DYRK4: variants seen among roughly 807,000 people sequenced by gnomAD.
The protein encoded by DYRK4 is dual specificity tyrosine phosphorylation regulated kinase 4.
A neutral mutation model predicts 68.3 loss-of-function variants in DYRK4; 64 were observed. The ratio of observed to expected loss-of-function variants is 0.94; its 90% CI spans 0.77 to 1.15. DYRK4 has a LOEUF of 1.15. Among genes scored for constraint, DYRK4 ranks in the 50% most tolerant of loss-of-function variants. The pLI, the probability that DYRK4 is intolerant of heterozygous loss-of-function variation, is 0.00. For synonymous variants in DYRK4, 274 were observed against 289.9 expected, an observed-to-expected ratio of 0.95 and a Z score of 0.56; for missense variants, 740 against 764.7, an observed-to-expected ratio of 0.97 and a Z score of 0.38.
At chr12:4,569,030 C>T (rs1944704435) in intron 2 of DYRK4, among the ~76,000 whole-genome samples, 1 of 152,132 alleles carries the variant, frequency 6.6e-6, no homozygotes, top group South Asian at 2.1e-4. Flanking sequence ...AAAAATCGTC[C>T]TCCTATAAAT....
intron 10 of DYRK4, among the ~76,000 whole-genome samples, chr12:4,601,408 C>T (rs1173610584): frequency 1.3e-5 from 2 of 152,240 alleles, no homozygotes; most frequent in Non-Finnish European, 2.9e-5. Context: ...TACATCTTCA[C>T]TACTGCACTG....
Position 4,605,020 on chromosome 12 carries a change from G to A in DYRK4, c.1233G>A (p.Glu411=), listed in dbSNP as rs1391687416. The change falls in exon 11 of 15, where the codon GAG becomes GAA. Residue 411 remains glutamate, a synonymous_variant. Transcript: ENST00000543431. The stretch of plus-strand genomic sequence containing the variant: ...GGAGCCTGGGCTGCATCACGGCGGA[G>A]TTGTACACGGGCTACCCCCTGTTCC... ...DMWSLGCITA[E]LYTGYPLFPG... 7.4e-6 allele frequency: 12 copies of A among 1,614,006 alleles called. No individual in the cohort carries two copies. The highest frequency in any genetic ancestry group is 1.0e-5 in the Non-Finnish European group (12 of 1,179,994).
intron 8 of DYRK4, 46 bp from the exon 9 acceptor site, chr12:4,598,982 T>A (rs1228938012): frequency 6.2e-7 from 1 of 1,608,222 alleles, no homozygotes; most frequent in Non-Finnish European, 8.5e-7. Flanking sequence ...CTCAGCCTTA[T>A]ATGTTTTTTT....
intron 9 of DYRK4, 116 bp downstream of exon 9, chr12:4,599,282 T>TG: frequency 8.6e-7 from 1 of 1,159,396 alleles, no homozygotes; most frequent in Non-Finnish European, 1.2e-6. Flanking sequence ...TTTTTTTTTT[T>TG]TTTTTTTTTT....
intron 11 of DYRK4, among the ~76,000 whole-genome samples, chr12:4,605,959 C>T (rs145951225): frequency 1.2e-3 from 177 of 151,992 alleles, no homozygotes; most frequent in African/African-American, 4.1e-3. Context: ...ATTATGTTTA[C>T]CAGCCTGTCA....
chr12:4,587,338 C>T (rs1170190439), intron 2 of DYRK4, among the ~76,000 whole-genome samples: 1 of 152,152 alleles, frequency 6.6e-6, no homozygotes, highest in South Asian at 2.1e-4. Flanking sequence ...TTCAGAAGAG[C>T]GCCCCCTCTA....
chr12:4,579,509 C>T (rs958251485), intron 2 of DYRK4, among the ~76,000 whole-genome samples: 8 of 152,022 alleles, frequency 5.3e-5, no homozygotes, highest in African/African-American at 1.5e-4. Context: ...TTACAGGGCT[C>T]TTTATTCATA....
Position 4,607,307 on chromosome 12 carries a change from A to G in DYRK4, c.1300-20A>G. The G allele has an allele frequency of 6.2e-7, 1 of 1,614,142 alleles. No homozygotes were observed. Among genetic ancestry groups the G allele is most frequent in the Non-Finnish European group, 8.5e-7 (1 of 1,179,986 alleles). Reference sequence around the variant, plus strand: ...CTGTGCTCCCACAAAGAATGAACCAATTGAATTATCCTTATTAAGGTGCTG... The same window carrying G: ...CTGTGCTCCCACAAAGAATGAACCAGTTGAATTATCCTTATTAAGGTGCTG... On this transcript the variant is annotated intron_variant, in intron 11 of 14. Transcript: ENST00000543431.
chr12:4,568,524 T>C (rs1944699284), intron 2 of DYRK4, among the ~76,000 whole-genome samples: 1 of 152,106 alleles, frequency 6.6e-6, no homozygotes, highest in Admixed American at 6.5e-5. Context: ...TAGCTGGGAT[T>C]ACAAGCATGC....
At chr12:4,600,566 C>T (rs139173423) in intron 10 of DYRK4, among the ~76,000 whole-genome samples, 2 of 148,500 alleles carry the variant, frequency 1.3e-5, no homozygotes, top group East Asian at 2.0e-4. Flanking sequence ...AGGCTGAAGA[C>T]GGGACTACTA....
Position 4,588,021 on chromosome 12 carries a change from C to T in DYRK4, c.133-916C>T, listed in dbSNP as rs536308641. On this transcript the variant is annotated intron_variant, in intron 2 of 14. Transcript: ENST00000543431. ...TGAGGGCCAGCTTTACAGTTTTTGC[C>T]ATGCCTACGCCTACATAGTCCTCAC... Among the ~76,000 whole-genome samples, 9 of 152,288 alleles carry T rather than the reference C, an allele frequency of 5.9e-5. No individual in the cohort carries two copies. The East Asian group carries it at 1.5e-3, about 26-fold the overall frequency.
intron 2 of DYRK4, among the ~76,000 whole-genome samples, chr12:4,584,573 T>TTTTA (rs1944875920): frequency 7.8e-6 from 1 of 127,504 alleles, no homozygotes; most frequent in African/African-American, 2.7e-5. Context: ...TTTTTTTTTT[T>TTTTA]GAGGCAGAGT....
At chr12:4,602,845 G>GTGACAGT in intron 10 of DYRK4, 1 of 1,189,730 alleles carries the variant, frequency 8.4e-7, no homozygotes, top group Admixed American at 1.7e-5. Context: ...CCAAATCATT[G>GTGACAGT]GAAATACATC....
chr12:4,612,544 T>C lies in DYRK4; in HGVS notation c.1492T>C (p.Trp498Arg). The change falls in exon 14 of 15, where the codon TGG (tryptophan) becomes CGG (arginine). Residue 498 changes from tryptophan (W) to arginine (R), a missense_variant and splice_region_variant. This residue lies in a region of DYRK4 where 614 missense variants were observed against 603.7 expected (regional missense o/e 1.02). Transcript: ENST00000543431. Reference protein sequence around the residue: ...FLDFLRRCLVWEPSLRMTPDQ... With the variant: ...FLDFLRRCLVREPSLRMTPDQ... ...ATGTGGGGCTTTGTTGGGGTGCAGA[T>C]GGGAACCTTCTCTTCGCATGACCCC... The C allele has an allele frequency of 6.2e-7, 1 of 1,613,942 alleles. No individual in the cohort carries two copies. Among genetic ancestry groups the C allele is most frequent in the Non-Finnish European group, 8.5e-7 (1 of 1,179,814 alleles).
intron 6 of DYRK4, among the ~76,000 whole-genome samples, chr12:4,594,381 G>A (rs1162731656): frequency 1.3e-5 from 2 of 152,024 alleles, no homozygotes; most frequent in Non-Finnish European, 2.9e-5. Flanking sequence ...CCGCCACCAC[G>A]CCTGGCTGAT....
At chr12:4,572,372 C>T (rs907483448) in intron 2 of DYRK4, among the ~76,000 whole-genome samples, 5 of 152,152 alleles carry the variant, frequency 3.3e-5, no homozygotes, top group African/African-American at 9.7e-5. Flanking sequence ...AGCTCCACCT[C>T]CCGGGTTCAC....
chr12:4,599,019 C>G lies in DYRK4; in HGVS notation c.906-9C>G, dbSNP rs896790425. 2 of 1,614,082 alleles carry G rather than the reference C, an allele frequency of 1.2e-6. No homozygotes were observed. Among genetic ancestry groups the G allele is most frequent in the Non-Finnish European group, 1.7e-6 (2 of 1,179,998 alleles). On this transcript the variant is annotated splice_polypyrimidine_tract_variant and intron_variant, in intron 8 of 14. Transcript: ENST00000543431. ...CACCCATATGCATCACTTTTCCCCTCTTTTCCAGAATCAACTTGTATGAGT... is the reference window on the plus strand; with the variant it reads ...CACCCATATGCATCACTTTTCCCCTGTTTTCCAGAATCAACTTGTATGAGT...
rs1368597301 is a variant in DYRK4, at chr12:4,596,174, G to A, written c.653G>A (p.Arg218His). 2.5e-6 allele frequency: 4 copies of A among 1,614,128 alleles called. No individual in the cohort carries two copies. Among genetic ancestry groups the A allele is most frequent in the Middle Eastern group, 1.7e-4 (1 of 6,056 alleles). ...GTCCTGCATGATCACATTGCCTACCGCTATGAAGTTCTGGAGACAATCGGG... is the reference window on the plus strand; with the variant it reads ...GTCCTGCATGATCACATTGCCTACCACTATGAAGTTCTGGAGACAATCGGG... ...LKVLHDHIAY[R>H]YEVLETIGKG... Residue 218 changes from arginine to histidine, a missense_variant, in exon 7 of 15, where the codon CGC (arginine) becomes CAC (histidine). Around this residue, in one of 3 missense-constraint regions of DYRK4, gnomAD observed 614 missense variants for 603.7 expected, o/e 1.02. Coordinates refer to ENST00000543431, the MANE Select transcript of DYRK4 (RefSeq NM_001394779.1).
At chr12:4,569,485 C>T (rs142133811) in intron 2 of DYRK4, among the ~76,000 whole-genome samples, 7 of 152,140 alleles carry the variant, frequency 4.6e-5, no homozygotes, top group African/African-American at 9.7e-5. Flanking sequence ...CTCACACATG[C>T]GCCTTAGCAG....
Sources: gnomAD v4.1 joint callset for allele counts (sites outside exome capture counted in the v4.1 genomes callset) on GRCh38, gnomAD v4.1.1 for gene constraint, gnomAD v4.1.1 regional missense constraint, MANE v1.5 for transcripts, NCBI Gene and HGNC (gene_info 2026-07-23, HGNC 2026-07-21) for gene names.